Variants in FAF1 observed in about 807,000 individuals in gnomAD.
FAF1 encodes the protein FAS-associated factor 1.
FAF1 carries 25 observed loss-of-function variants against 92.5 expected under a neutral mutation model. The observed-to-expected ratio is 0.27, with a 90% CI of 0.20 to 0.38. The LOEUF (loss-of-function observed/expected upper bound fraction) is 0.38. FAF1 is among the 10% of genes least tolerant of loss of function. The pLI is 1.00. For missense variants in FAF1, 636 were observed against 793.3 expected (o/e 0.80, Z 2.38); for synonymous variants, 234 against 273.2 (o/e 0.86, Z 1.42).
Position 50,623,407 on chromosome 1 carries a change from A to C in FAF1, c.745-27191T>G, listed in dbSNP as rs112527464. 8.0e-3 allele frequency among the ~76,000 whole-genome samples: 1,215 copies of C among 151,954 alleles called. 16 individuals are homozygous for C. The highest frequency in any genetic ancestry group is 0.026 in the African/African-American group (1,094 of 41,436). On this transcript the variant is annotated intron_variant, in intron 8 of 18. Transcript: ENST00000396153. The stretch of plus-strand genomic sequence containing the variant: ...ACATGGCGAAACCCTGTCTCTACTA[A>C]AATACAAAGAAATTAGCTGGGTGTG...
chr1:50,754,596 ACTTT>A (rs1337486531), intron 4 of FAF1, among the ~76,000 whole-genome samples: 13 of 152,302 alleles, frequency 8.5e-5, no homozygotes, highest in Admixed American at 2.6e-4. Flanking sequence ...TGCTTTTACA[ACTTT>A]CTTTATCTGT....
rs370976302 is a variant in FAF1 at position 50,825,574 on chromosome 1, G to C, written c.115-23897C>G. Among the ~76,000 whole-genome samples, 10 of 151,814 alleles carry C rather than the reference G, an allele frequency of 6.6e-5. No individual in the cohort carries two copies. The East Asian group carries it at 1.5e-3, about 23-fold the overall frequency. On this transcript the variant is annotated intron_variant, in intron 2 of 18. Coordinates refer to ENST00000396153, the MANE Select transcript of FAF1 (RefSeq NM_007051.3). ...TAAATAGAAAACTCCATAATCATAGGGGAGATTTTAACGTATATCTACCAG... is the reference window on the plus strand; with the variant it reads ...TAAATAGAAAACTCCATAATCATAGCGGAGATTTTAACGTATATCTACCAG...
At chr1:50,612,923 C>T (rs114562560) in intron 8 of FAF1, among the ~76,000 whole-genome samples, 1,781 of 152,328 alleles carry the variant, frequency 0.012, 31 homozygotes, top group African/African-American at 0.041. Flanking sequence ...TTTAAAAGAA[C>T]TACAACTTTC....
intron 15 of FAF1, among the ~76,000 whole-genome samples, chr1:50,527,249 G>T (rs1438861174): frequency 6.6e-6 from 1 of 152,094 alleles, no homozygotes; most frequent in East Asian, 1.9e-4. Context: ...TAATAATGTT[G>T]AGCTTCTTTT....
chr1:50,764,923 A>G (rs1660508609), intron 4 of FAF1, among the ~76,000 whole-genome samples: 1 of 152,204 alleles, frequency 6.6e-6, no homozygotes, highest in Non-Finnish European at 1.5e-5. Context: ...GTCTATCTTT[A>G]CGTTGGAAAC....
intron 6 of FAF1, among the ~76,000 whole-genome samples, chr1:50,727,539 AC>A (rs1191408896): frequency 2.0e-5 from 3 of 152,246 alleles, no homozygotes; most frequent in Admixed American, 1.3e-4. Context: ...ACAGTGAACA[AC>A]AAAAAATCCC....
intron 8 of FAF1, among the ~76,000 whole-genome samples, chr1:50,624,719 G>A (rs1473259117): frequency 6.6e-6 from 1 of 152,110 alleles, no homozygotes; most frequent in Non-Finnish European, 1.5e-5. Flanking sequence ...AATAAGAACA[G>A]CATTACCATA....
intron 1 of FAF1, among the ~76,000 whole-genome samples, chr1:50,938,916 T>C (rs1256393015): frequency 6.6e-6 from 1 of 152,198 alleles, no homozygotes; most frequent in Non-Finnish European, 1.5e-5. Context: ...TTCTGTTCCA[T>C]TGGTCTATGT....
chr1:50,632,254 A>C (rs1047591197), intron 8 of FAF1, among the ~76,000 whole-genome samples: 2 of 152,200 alleles, frequency 1.3e-5, no homozygotes, highest in African/African-American at 4.8e-5. Context: ...TCTTAGTCTG[A>C]ATTACAAATA....
rs368199029 is a variant in FAF1, at chr1:50,683,657, G to A, written c.657+22129C>T. On this transcript the variant is annotated intron_variant, in intron 7 of 18. Coordinates refer to ENST00000396153, the MANE Select transcript of FAF1 (RefSeq NM_007051.3). ...TAATTTTTTAAATGTTTTTGGCCGG[G>A]TGCAGTGGCTCATACCCATAATCCC... is the stretch of plus-strand genomic sequence containing the variant. 1.3e-4 allele frequency among the ~76,000 whole-genome samples: 20 copies of A among 152,058 alleles called. 1 individual carries two copies. The highest frequency in any genetic ancestry group is 4.8e-4 in the African/African-American group (20 of 41,478).
chr1:50,800,582 G>A (rs1661949779), intron 3 of FAF1, among the ~76,000 whole-genome samples: 1 of 152,162 alleles, frequency 6.6e-6, no homozygotes, highest in African/African-American at 2.4e-5. Context: ...TTAGAAGAGA[G>A]GAACGGGGGT....
chr1:50,671,299 G>A (rs937246361), intron 7 of FAF1, among the ~76,000 whole-genome samples: 2 of 151,924 alleles, frequency 1.3e-5, no homozygotes, highest in African/African-American at 4.8e-5. Flanking sequence ...CAGTTACTCG[G>A]GAGTCTGAGG....
intron 4 of FAF1, among the ~76,000 whole-genome samples, chr1:50,763,311 C>A (rs1371823843): frequency 1.3e-5 from 2 of 151,818 alleles, no homozygotes; most frequent in Non-Finnish European, 2.9e-5. Flanking sequence ...TAAAATGTAT[C>A]TTTGTTTCTC....
intron 4 of FAF1, among the ~76,000 whole-genome samples, chr1:50,784,455 A>G (rs775903431): frequency 9.4e-4 from 143 of 152,316 alleles, no homozygotes; most frequent in Non-Finnish European, 1.4e-3. Context: ...ATAGCTTCAA[A>G]AAGAATAAAA....
intron 7 of FAF1, among the ~76,000 whole-genome samples, chr1:50,683,295 T>C (rs990531916): frequency 2.6e-5 from 4 of 151,134 alleles, no homozygotes; most frequent in African/African-American, 7.3e-5. Context: ...GGGAGGTCGA[T>C]GCAGGTGGAT....
chr1:50,587,238 C>T (rs1474277793), intron 9 of FAF1, among the ~76,000 whole-genome samples: 1 of 152,202 alleles, frequency 6.6e-6, no homozygotes, highest in Non-Finnish European at 1.5e-5. Context: ...TTTTAATATT[C>T]TCCATGTGTC....
At chr1:50,831,336 T>C (rs1012718343) in intron 2 of FAF1, among the ~76,000 whole-genome samples, 3 of 152,174 alleles carry the variant, frequency 2.0e-5, no homozygotes, top group South Asian at 4.1e-4. Context: ...TTCCCTGTCT[T>C]TCCTCAAGAT....
chr1:50,527,811 GTCTC>G (rs9326017), intron 15 of FAF1, among the ~76,000 whole-genome samples: 1,355 of 75,174 alleles, frequency 0.018, 27 homozygotes, highest in South Asian at 0.033. Context: ...TTACTCTGCT[GTCTC>G]TCTCTCTCTC....
intron 8 of FAF1, among the ~76,000 whole-genome samples, chr1:50,628,435 C>T (rs1346262929): frequency 6.6e-6 from 1 of 152,166 alleles, no homozygotes; most frequent in Admixed American, 6.5e-5. Context: ...AGTTTTAATC[C>T]TGTCTCTGCG....
Sources: gnomAD v4.1 joint callset for allele counts (sites outside exome capture counted in the v4.1 genomes callset) on GRCh38, gnomAD v4.1.1 for gene constraint, MANE v1.5 for transcripts, NCBI Gene and HGNC (gene_info 2026-07-23, HGNC 2026-07-21) for gene names.